Variants in SLC9A2 observed in about 807,000 individuals in gnomAD.
SLC9A2 encodes the protein sodium/hydrogen exchanger 2.
In SLC9A2, 42 loss-of-function variants were observed where a neutral mutation model predicts 71.7. The ratio of observed to expected loss-of-function variants is 0.59; its 90% confidence interval spans 0.46 to 0.76. SLC9A2 has a LOEUF of 0.76. SLC9A2 is among the 30% of genes least tolerant of loss of function. The pLI is 0.00. For missense variants in SLC9A2, 829 were observed against 1,017.4 expected (o/e 0.81, Z 2.52); for synonymous variants, 396 against 392.5 (o/e 1.01, Z -0.10).
At chr2:102,674,315 C>T (rs575823338) in intron 3 of SLC9A2, among the ~76,000 whole-genome samples, 93 of 152,230 alleles carry the variant, frequency 6.1e-4, no homozygotes, top group African/African-American at 2.2e-3. Flanking sequence ...TTTATCCTTG[C>T]TTGAACAAAC....
rs546132695 is a variant in SLC9A2 at position 102,710,950 on chromosome 2, A to G, written c.*2461A>G. The G allele has an allele frequency of 6.6e-6, 1 of 152,472 alleles. No individual in the cohort carries two copies. The highest frequency in any genetic ancestry group is 2.4e-5 in the African/African-American group (1 of 41,584). 9.4% of individuals were successfully genotyped at this position (152,472 alleles called of 1,614,324 possible). A position where few individuals can be genotyped will look rare whatever the true frequency, so the allele number is the denominator to read the frequency against. On this transcript the variant is annotated 3_prime_UTR_variant, in exon 12 of 12. Coordinates refer to ENST00000233969, the MANE Select transcript of SLC9A2 (RefSeq NM_003048.6). ...AGTCGGGGTTTATTACTTTATATGT[A>G]ATGCTGAGAGGAGACTGTTGGGAAC...
In SLC9A2 at chr2:102,647,529, A is replaced by T. The variant is rs543800096; in HGVS notation, c.290-10035A>T. ...ACTGAAGGAGATAGGGACACCAAAA[A>T]CCCTTCAAAAAAGTCAGTGAATCCA... is the stretch of plus-strand genomic sequence containing the variant. On this transcript the variant is annotated intron_variant, in intron 1 of 11. Transcript: ENST00000233969. 2.6e-5 allele frequency among the ~76,000 whole-genome samples: 4 copies of T among 152,308 alleles called. No homozygotes were observed. In the East Asian group the frequency reaches 7.7e-4, roughly 29 times the overall value.
At position 102,629,407 on chromosome 2, in the gene SLC9A2, A is replaced by G. The variant is rs1056436231; in HGVS notation, c.289+9270A>G. On this transcript the variant is annotated intron_variant, in intron 1 of 11. Transcript: ENST00000233969. The stretch of plus-strand genomic sequence containing the variant: ...TTCCATATCTGTTTTCTATATCTAC[A>G]TTTTCCAGATGTATATTTTTATACC... Among the ~76,000 whole-genome samples, 3 of 151,816 alleles carry G rather than the reference A, an allele frequency of 2.0e-5. No individual in the cohort carries two copies. The East Asian group carries it at 5.8e-4, about 29-fold the overall frequency.
chr2:102,645,344 A>C (rs1033247411), intron 1 of SLC9A2, among the ~76,000 whole-genome samples: 2 of 152,214 alleles, frequency 1.3e-5, no homozygotes, highest in Non-Finnish European at 2.9e-5. Context: ...AAGACGAAAA[A>C]AAACCAGTGC....
intron 3 of SLC9A2, among the ~76,000 whole-genome samples, chr2:102,665,800 A>AAAAAAG (rs1198826827): frequency 4.3e-4 from 63 of 146,216 alleles, no homozygotes; most frequent in South Asian, 1.1e-3. Flanking sequence ...AAAAAAAAAA[A>AAAAAAG]AGATTTTTCT....
rs955357416 is a variant in SLC9A2, at chr2:102,702,464, G to C, written c.1807G>C (p.Glu603Gln). The C allele has an allele frequency of 4.4e-6, 7 of 1,602,586 alleles. No individual in the cohort carries two copies. The African/African-American group carries it at 9.4e-5, about 22-fold the overall frequency. Residue 603 changes from glutamate to glutamine, a missense_variant, in exon 9 of 12, where the codon GAA (glutamate) becomes CAA (glutamine). By Grantham distance (29) the Glu-to-Gln change is conservative. Around this residue, in one of 3 missense-constraint regions of SLC9A2, gnomAD observed 500 missense variants for 726.3 expected, o/e 0.69. Coordinates refer to ENST00000233969, the MANE Select transcript of SLC9A2 (RefSeq NM_003048.6). ...GTCCAGTGAAACTGATGAAATTCGA[G>C]AACTCTTATCAAGAAATCTCTATCA... is the stretch of plus-strand genomic sequence containing the variant. ...VTSSETDEIR[E>Q]LLSRNLYQIR...
At chr2:102,632,658 C>T (rs1558701809) in intron 1 of SLC9A2, among the ~76,000 whole-genome samples, 1 of 152,076 alleles carries the variant, frequency 6.6e-6, no homozygotes, top group Non-Finnish European at 1.5e-5. Flanking sequence ...ACCAAAAGAT[C>T]TCTGTTATGA....
intron 1 of SLC9A2, among the ~76,000 whole-genome samples, chr2:102,637,291 G>A (rs1676485043): frequency 6.6e-6 from 1 of 152,206 alleles, no homozygotes; most frequent in African/African-American, 2.4e-5. Context: ...CTGGCTGTAT[G>A]AGAAATTCCC....
intron 3 of SLC9A2, among the ~76,000 whole-genome samples, chr2:102,671,462 A>G (rs1677250891): frequency 6.6e-6 from 1 of 152,180 alleles, no homozygotes; most frequent in Non-Finnish European, 1.5e-5. Flanking sequence ...GAAAAAGGAA[A>G]AACAAAGAAA....
chr2:102,670,505 T>G (rs1677226011), intron 3 of SLC9A2, among the ~76,000 whole-genome samples: 1 of 148,914 alleles, frequency 6.7e-6, no homozygotes, highest in Non-Finnish European at 1.5e-5. Context: ...GGACAAAACA[T>G]GGCTGTCAGA....
At chr2:102,631,518 T>C (rs1207150138) in intron 1 of SLC9A2, among the ~76,000 whole-genome samples, 3 of 152,046 alleles carry the variant, frequency 2.0e-5, no homozygotes, top group Non-Finnish European at 4.4e-5. Context: ...TTGATTTCCT[T>C]ATTTTTTGCC....
intron 2 of SLC9A2, among the ~76,000 whole-genome samples, chr2:102,661,521 T>A (rs1375157387): frequency 6.6e-6 from 1 of 151,706 alleles, no homozygotes; most frequent in East Asian, 1.9e-4. Context: ...TACCTGAACA[T>A]TTTTTTTTCT....
chr2:102,693,755 G>A (rs1170856633), intron 5 of SLC9A2, among the ~76,000 whole-genome samples: 1 of 152,106 alleles, frequency 6.6e-6, no homozygotes, highest in Non-Finnish European at 1.5e-5. Flanking sequence ...GTTTTCGGAA[G>A]TATCTGACTT....
chr2:102,695,004 G>T, intron 6 of SLC9A2, 39 bp from the exon 7 acceptor site: 1 of 1,539,720 alleles, frequency 6.5e-7, no homozygotes. Flanking sequence ...ATTGATTTCA[G>T]GTAAAGACTA....
chr2:102,671,905 A>T (rs1307736268), intron 3 of SLC9A2, among the ~76,000 whole-genome samples: 1 of 152,158 alleles, frequency 6.6e-6, no homozygotes, highest in Non-Finnish European at 1.5e-5. Context: ...CAGGAGTTTG[A>T]GACCAGCCTG....
Position 102,705,942 on chromosome 2 carries a change from G to C in SLC9A2, c.2068+6G>C, listed in dbSNP as rs1347736917. 1 of 1,533,662 alleles carries C rather than the reference G, an allele frequency of 6.5e-7. No homozygotes were observed. Among genetic ancestry groups the C allele is most frequent in the Non-Finnish European group, 8.9e-7 (1 of 1,125,516 alleles). On this transcript the variant is annotated splice_donor_region_variant and intron_variant, in intron 11 of 11. Transcript: ENST00000233969. ...GAGGACTATTTCTATTGCAGGTAGT[G>C]AATATAGTTGGAGCAGAAAAATTTT...
chr2:102,650,662 T>C (rs1329371354), intron 1 of SLC9A2, among the ~76,000 whole-genome samples: 3 of 152,242 alleles, frequency 2.0e-5, no homozygotes, highest in Non-Finnish European at 4.4e-5. Flanking sequence ...TAAATTATGC[T>C]TTCTTTCCTT....
chr2:102,665,015 A>G lies in SLC9A2; in HGVS notation c.754-85A>G, dbSNP rs1243885527. 5 of 1,378,400 alleles carry G rather than the reference A, an allele frequency of 3.6e-6. No individual in the cohort carries two copies. The African/African-American group carries it at 7.2e-5, about 20-fold the overall frequency. The allele number at this position is 1,378,400 out of a possible 1,614,324, so 85.4% of individuals were successfully genotyped here. ...TACACAGAAGAAATGTCCTTATTAGAAGTCCAGGTAGATGTGTTTGTGCCC... is the reference window on the plus strand; with the variant it reads ...TACACAGAAGAAATGTCCTTATTAGGAGTCCAGGTAGATGTGTTTGTGCCC... On this transcript the variant is annotated intron_variant, in intron 2 of 11. Transcript: ENST00000233969.
chr2:102,649,986 C>T (rs182716740), intron 1 of SLC9A2, among the ~76,000 whole-genome samples: 1 of 152,266 alleles, frequency 6.6e-6, no homozygotes. Flanking sequence ...CAAAGGATTA[C>T]AAATCATTGT....
Sources: allele counts gnomAD v4.1 joint callset (sites outside exome capture counted in the v4.1 genomes callset), GRCh38; gene constraint gnomAD v4.1.1; regional missense constraint gnomAD v4.1.1; transcripts MANE v1.5; gene names NCBI Gene and HGNC (gene_info 2026-07-23, HGNC 2026-07-21).